Variants in SI observed in about 807,000 individuals in gnomAD.
SI encodes the protein sucrase-isomaltase, intestinal.
A neutral mutation model predicts 253.3 loss-of-function variants in SI; 235 were observed. That is an observed-to-expected ratio of 0.93 (90% CI 0.83 to 1.03). SI has a LOEUF of 1.03. Among genes scored for constraint, SI ranks in the 50% least tolerant of loss-of-function variants. The pLI, the probability that SI is intolerant of heterozygous loss-of-function variation, is 0.00. For missense variants in SI, 2,442 were observed against 2,211.1 expected (o/e 1.10, Z -2.09); for synonymous variants, 819 against 712.0 (o/e 1.15, Z -2.39).
At position 165,055,227 on chromosome 3, in the gene SI, G is replaced by A. The variant is rs868331316; in HGVS notation, c.1479C>T (p.Phe493=). 4 of 1,610,950 alleles carry A rather than the reference G, an allele frequency of 2.5e-6. No homozygotes were observed. Among genetic ancestry groups the A allele is most frequent in the Non-Finnish European group, 3.4e-6 (4 of 1,177,852 alleles). The change falls in exon 13 of 48, where the codon TTC becomes TTT. Residue 493 remains phenylalanine, a synonymous_variant. Coordinates refer to ENST00000264382, the MANE Select transcript of SI (RefSeq NM_001041.4). ...IDWWANECSI[F]HQEVQYDGLW... ...GTCCATCATATTGCACTTCTTGATG[G>A]AAAATACTGCATTCATTTGCCCACC...
In SI at chr3:165,055,210, T is replaced by G. The variant is rs2108242167; in HGVS notation, c.1496A>C (p.Tyr499Ser). 8 of 1,604,098 alleles carry G rather than the reference T, an allele frequency of 5.0e-6. No individual in the cohort carries two copies. The highest frequency in any genetic ancestry group is 6.8e-6 in the Non-Finnish European group (8 of 1,171,446). ...GCTACTTACAATCCAAAGTCCATCA[T>G]ATTGCACTTCTTGATGGAAAATACT... ...ECSIFHQEVQ[Y>S]DGLWIDMNEV... is the part of the protein sequence containing the mutation. The change falls in exon 13 of 48, where the codon TAT becomes TCT. Residue 499 changes from tyrosine to serine, a missense_variant. Physicochemically the swap from Tyr to Ser is moderately radical, Grantham distance 144 (BLOSUM62 -2). Coordinates refer to ENST00000264382, the MANE Select transcript of SI (RefSeq NM_001041.4).
chr3:165,065,464 A>AATATATAGAT (rs71632409), intron 6 of SI, 32 bp from the exon 7 acceptor site: 7 of 209,720 alleles, frequency 3.3e-5, no homozygotes, highest in African/African-American at 2.5e-4. Flanking sequence ...GAAATAATCT[A>AATATATAGAT]ATATATATAT....
At position 165,019,696 on chromosome 3, in the gene SI, T is replaced by C; in HGVS notation, c.3329A>G (p.Tyr1110Cys). Residue 1110 changes from tyrosine to cysteine, a missense_variant, in exon 28 of 48, where the codon TAT becomes TGT. Tyr to Cys is a radical substitution (Grantham distance 194, BLOSUM62 -2). Transcript: ENST00000264382. ...IQISTRLPSE[Y>C]IYGFGEVEHT... ...TTCCACTTCCCCAAAACCATATATA[T>C]ATTCTGATGGCAGGCGAGTCGATAT... 1 of 1,612,654 alleles carries C rather than the reference T, an allele frequency of 6.2e-7. No homozygotes were observed. The highest frequency in any genetic ancestry group is 8.5e-7 in the Non-Finnish European group (1 of 1,179,024).
At chr3:165,062,028 C>T (rs1410496636) in intron 9 of SI, among the ~76,000 whole-genome samples, 1 of 151,922 alleles carries the variant, frequency 6.6e-6, no homozygotes, top group South Asian at 2.1e-4. Context: ...ATTGCCTATC[C>T]TCAGTGTTAA....
chr3:165,062,194 G>A (rs1160917759), intron 9 of SI, among the ~76,000 whole-genome samples, 177 bp downstream of exon 9: 1 of 151,354 alleles, frequency 6.6e-6, no homozygotes, highest in Non-Finnish European at 1.5e-5. Flanking sequence ...TATATGTAGA[G>A]TTCATTGTAT....
intron 6 of SI, among the ~76,000 whole-genome samples, chr3:165,065,884 C>A (rs1030081399): frequency 2.0e-5 from 3 of 151,778 alleles, no homozygotes; most frequent in South Asian, 2.1e-4. Context: ...ATTTTTCCCC[C>A]AAAAAGTTTT....
intron 15 of SI, among the ~76,000 whole-genome samples, chr3:165,048,334 G>A (rs1391792725): frequency 6.6e-6 from 1 of 151,542 alleles, no homozygotes. Context: ...TTATAAAAAT[G>A]TATTAGAAAA....
rs781603774 is a variant in SI at position 165,030,918 on chromosome 3, A to G, written c.2737-51T>C. 3.3e-6 allele frequency: 5 copies of G among 1,515,390 alleles called. No homozygotes were observed. The Admixed American group carries it at 1.2e-4, about 35-fold the overall frequency. 93.9% of individuals were successfully genotyped at this position (1,515,390 alleles called of 1,614,324 possible). ...AAAAAAGAAAAAAAAAACACAAACAAACAAAAACATTAAACACTGTATCTG... is the reference window on the plus strand; with the variant it reads ...AAAAAAGAAAAAAAAAACACAAACAGACAAAAACATTAAACACTGTATCTG... On this transcript the variant is annotated intron_variant, in intron 24 of 47. Coordinates refer to ENST00000264382, the MANE Select transcript of SI (RefSeq NM_001041.4).
intron 26 of SI, 124 bp downstream of exon 26, chr3:165,023,446 A>T: frequency 1.4e-6 from 1 of 739,334 alleles, no homozygotes; most frequent in South Asian, 1.8e-5. Flanking sequence ...TATTTTTATA[A>T]AATCAAAATA....
intron 38 of SI, among the ~76,000 whole-genome samples, chr3:164,997,442 C>CTT (rs35001354): frequency 0.011 from 1,536 of 142,964 alleles, 25 homozygotes; most frequent in African/African-American, 0.036. Flanking sequence ...CGAAATGTTT[C>CTT]TTTTTTTTTT....
chr3:165,039,139 A>C lies in SI; in HGVS notation c.2245-5T>G. The C allele has an allele frequency of 6.5e-7, 1 of 1,550,234 alleles. No individual in the cohort carries two copies. Among genetic ancestry groups the C allele is most frequent in the Non-Finnish European group, 8.9e-7 (1 of 1,124,762 alleles). The stretch of plus-strand genomic sequence containing the variant: ...GGCACTCACAGTATCTGCTCCCTAA[A>C]ATAAAGATAATATGTATTTTTTAAT... On this transcript the variant is annotated splice_region_variant and splice_polypyrimidine_tract_variant and intron_variant, in intron 19 of 47. Coordinates refer to ENST00000264382, the MANE Select transcript of SI (RefSeq NM_001041.4).
chr3:165,048,578 T>TAC (rs1434778761), intron 15 of SI, among the ~76,000 whole-genome samples: 3 of 109,358 alleles, frequency 2.7e-5, no homozygotes, highest in African/African-American at 9.5e-5. Flanking sequence ...TATATATATA[T>TAC]ATATATAGAG....
intron 44 of SI, 86 bp from the exon 45 acceptor site, chr3:164,987,312 A>G (rs1490475714): frequency 1.8e-6 from 2 of 1,092,432 alleles, no homozygotes; most frequent in Non-Finnish European, 2.8e-6. Flanking sequence ...AAGGATCTAT[A>G]GGAACCCAAG....
At chr3:165,022,985 A>AT (rs781488246) in intron 26 of SI, among the ~76,000 whole-genome samples, 18 of 151,392 alleles carry the variant, frequency 1.2e-4, no homozygotes, top group Non-Finnish European at 1.9e-4. Flanking sequence ...TTATTATTTG[A>AT]TTTTTTCATT....
intron 19 of SI, among the ~76,000 whole-genome samples, chr3:165,039,463 T>C (rs1271934684): frequency 6.6e-6 from 1 of 152,108 alleles, no homozygotes; most frequent in Non-Finnish European, 1.5e-5. Flanking sequence ...ATGCACCTTT[T>C]AAAAATAGGT....
chr3:165,053,298 G>A (rs773986202), intron 13 of SI, among the ~76,000 whole-genome samples: 11 of 152,090 alleles, frequency 7.2e-5, no homozygotes, highest in South Asian at 2.1e-4. Context: ...ACAAATATTA[G>A]CATGGAAACT....
intron 17 of SI, 121 bp downstream of exon 17, chr3:165,042,938 A>C: frequency 1.4e-6 from 1 of 737,208 alleles, no homozygotes. Flanking sequence ...GACTTCTAAC[A>C]ATGTCTTATG....
rs1717059261 is a variant in SI, at chr3:164,979,202, T to G, written c.*160A>C. 3.2e-6 allele frequency: 2 copies of G among 618,134 alleles called. No homozygotes were observed. The highest frequency in any genetic ancestry group is 5.8e-6 in the Non-Finnish European group (2 of 342,022). 38.3% of individuals were successfully genotyped at this position (618,134 alleles called of 1,614,324 possible). On this transcript the variant is annotated 3_prime_UTR_variant, in exon 48 of 48. Coordinates refer to ENST00000264382, the MANE Select transcript of SI (RefSeq NM_001041.4). ...TCCAAGTCACATTACTATAATAAAATTAGCATTATCATTGATGTACGCTAC... is the reference window on the plus strand; with the variant it reads ...TCCAAGTCACATTACTATAATAAAAGTAGCATTATCATTGATGTACGCTAC...
At chr3:165,050,657 CTG>C in intron 13 of SI, among the ~76,000 whole-genome samples, 1 of 152,226 alleles carries the variant, frequency 6.6e-6, no homozygotes, top group East Asian at 1.9e-4. Flanking sequence ...TCTCTGCAAA[CTG>C]TGTTGAGGAC....
Sources: gnomAD v4.1 joint callset for allele counts (sites outside exome capture counted in the v4.1 genomes callset) on GRCh38, gnomAD v4.1.1 for gene constraint, MANE v1.5 for transcripts, NCBI Gene and HGNC (gene_info 2026-07-23, HGNC 2026-07-21) for gene names.